Variants in SP100 observed in about 807,000 individuals in gnomAD.
SP100 encodes nuclear autoantigen Sp-100.
SP100 carries 84 observed loss-of-function variants against 130.0 expected under a neutral mutation model. That is an observed-to-expected ratio of 0.65 (90% CI 0.54 to 0.77). SP100 has a LOEUF of 0.77. Among genes scored for constraint, SP100 ranks in the 30% least tolerant of loss-of-function variants. The pLI is 0.00. For missense variants in SP100, 978 were observed against 1,052.2 expected, an observed-to-expected ratio of 0.93 and a Z score of 0.97; for synonymous variants, 331 against 351.7, an observed-to-expected ratio of 0.94 and a Z score of 0.66.
intron 8 of SP100, among the ~76,000 whole-genome samples, chr2:230,452,843 A>C (rs906925767): frequency 3.1e-5 from 3 of 95,966 alleles, no homozygotes; most frequent in East Asian, 5.5e-4. Flanking sequence ...TTTTTGGTGG[A>C]GTCTTCGGGA....
intron 24 of SP100, among the ~76,000 whole-genome samples, chr2:230,534,536 A>G (rs1477521522): frequency 6.6e-6 from 1 of 152,218 alleles, no homozygotes; most frequent in African/African-American, 2.4e-5. Context: ...CAAGTTCTAA[A>G]TTCGGCCTTT....
intron 17 of SP100, among the ~76,000 whole-genome samples, chr2:230,479,825 T>C (rs2065749908): frequency 6.6e-6 from 1 of 152,194 alleles, no homozygotes; most frequent in Non-Finnish European, 1.5e-5. Context: ...CTATAGGACA[T>C]GGCAAGACAA....
At chr2:230,515,813 C>T in intron 24 of SP100, 1 of 1,427,650 alleles carries the variant, frequency 7.0e-7, no homozygotes, top group East Asian at 2.5e-5. Flanking sequence ...TTCAGATAGC[C>T]CTGTCCTGGT....
chr2:230,540,576 G>A (rs139698929), intron 25 of SP100, among the ~76,000 whole-genome samples: 50 of 152,242 alleles, frequency 3.3e-4, no homozygotes, highest in African/African-American at 9.4e-4. Flanking sequence ...GTAGCAAACC[G>A]TGCTCATTAT....
At chr2:230,416,687 G>C in intron 1 of SP100, 1 of 982,470 alleles carries the variant, frequency 1.0e-6, no homozygotes, top group South Asian at 4.0e-5. Context: ...CTTCAAATAT[G>C]TCATGTCAAA....
chr2:230,443,789 G>A (rs1185233919), intron 3 of SP100, among the ~76,000 whole-genome samples: 1 of 152,146 alleles, frequency 6.6e-6, no homozygotes, highest in East Asian at 1.9e-4. Flanking sequence ...GTTTCCTTGG[G>A]CCCTTCAGGC....
At chr2:230,524,361 A>AC (rs202224284) in intron 24 of SP100, among the ~76,000 whole-genome samples, 1 of 150,122 alleles carries the variant, frequency 6.7e-6, no homozygotes, top group Non-Finnish European at 1.5e-5. Context: ...CATCTCAAAA[A>AC]AAAAAAAAAA....
At chr2:230,423,360 C>A (rs1412887547) in intron 2 of SP100, among the ~76,000 whole-genome samples, 1 of 152,004 alleles carries the variant, frequency 6.6e-6, no homozygotes, top group Non-Finnish European at 1.5e-5. Flanking sequence ...TTTTCCTATT[C>A]CTACCATTGT....
chr2:230,530,020 A>T (rs201997449), intron 24 of SP100, among the ~76,000 whole-genome samples: 5 of 151,490 alleles, frequency 3.3e-5, no homozygotes, highest in East Asian at 2.0e-4. Context: ...TAATTTATAG[A>T]TTCAATGCTA....
intron 17 of SP100, among the ~76,000 whole-genome samples, chr2:230,475,190 A>G (rs528407863): frequency 2.4e-4 from 36 of 152,084 alleles, no homozygotes; most frequent in South Asian, 1.2e-3. Context: ...CCACAACCTC[A>G]CCAGCATCTG....
intron 6 of SP100, 58 bp from the exon 7 acceptor site, chr2:230,449,503 G>A (rs2063866364): frequency 6.3e-7 from 1 of 1,591,588 alleles, no homozygotes; most frequent in South Asian, 1.1e-5. Context: ...AGTGGTTGGA[G>A]GGGAGTGACA....
intron 17 of SP100, among the ~76,000 whole-genome samples, chr2:230,481,704 G>A (rs2065840450): frequency 6.6e-6 from 1 of 152,124 alleles, no homozygotes; most frequent in African/African-American, 2.4e-5. Context: ...AGAAAAAAAA[G>A]TCTAAACTTC....
At chr2:230,526,274 T>C (rs1295528927) in intron 24 of SP100, among the ~76,000 whole-genome samples, 2 of 152,078 alleles carry the variant, frequency 1.3e-5, no homozygotes, top group African/African-American at 4.8e-5. Context: ...GCAAACAGGG[T>C]CTGGAGTGGA....
intron 2 of SP100, chr2:230,440,452 A>T: frequency 4.7e-6 from 4 of 857,782 alleles, no homozygotes; most frequent in Non-Finnish European, 6.2e-6. Flanking sequence ...AAATTTAATT[A>T]AATTAAATTT....
At chr2:230,466,389 A>G in intron 12 of SP100, 35 bp downstream of exon 12, 3 of 1,092,460 alleles carry the variant, frequency 2.7e-6, no homozygotes, top group South Asian at 1.3e-5. Flanking sequence ...GGTAAGAGAA[A>G]ATAACTTCTC....
intron 19 of SP100, among the ~76,000 whole-genome samples, chr2:230,500,552 A>C (rs1421296541): frequency 6.6e-6 from 1 of 152,262 alleles, no homozygotes; most frequent in African/African-American, 2.4e-5. Flanking sequence ...CTAGGGCTGA[A>C]CATACCCAGG....
chr2:230,543,173 A>G lies in SP100; in HGVS notation c.*227A>G. ...GAGGAACATATCCCAAAATAATAAG[A>G]GCCATTTATGACAAACCCACAGACA... is the stretch of plus-strand genomic sequence containing the variant. On this transcript the variant is annotated 3_prime_UTR_variant, in exon 29 of 29. Transcript: ENST00000340126. The G allele has an allele frequency of 2.7e-6, 1 of 368,320 alleles. No homozygotes were observed. Among genetic ancestry groups the G allele is most frequent in the Non-Finnish European group, 5.0e-6 (1 of 200,386 alleles). 22.8% of individuals were successfully genotyped at this position (368,320 alleles called of 1,614,324 possible).
chr2:230,508,311 C>CTTTTT (rs10636838), intron 23 of SP100: 1,911 of 147,850 alleles, frequency 0.013, 28 homozygotes, highest in Middle Eastern at 0.036. Context: ...AAATGCCATA[C>CTTTTT]TTTTTTTTTT....
intron 21 of SP100, 116 bp downstream of exon 21, chr2:230,504,406 G>T: frequency 1.7e-6 from 1 of 592,662 alleles, no homozygotes; most frequent in Non-Finnish European, 3.0e-6. Context: ...CAGGCTTGAA[G>T]ATTTGCTAGG....
Sources: allele counts gnomAD v4.1 joint callset (sites outside exome capture counted in the v4.1 genomes callset), GRCh38; gene constraint gnomAD v4.1.1; transcripts MANE v1.5; gene names NCBI Gene and HGNC (gene_info 2026-07-23, HGNC 2026-07-21).